GRIA4: variants seen among roughly 807,000 people sequenced by gnomAD.
The protein encoded by GRIA4 is glutamate receptor 4.
In GRIA4, 34 loss-of-function variants were observed where a neutral mutation model predicts 104.0. The observed-to-expected ratio is 0.33, with a 90% CI of 0.25 to 0.44. The LOEUF (loss-of-function observed/expected upper bound fraction) is 0.44. Ranked by LOEUF, GRIA4 falls within the 20% of genes least tolerant of loss-of-function variation. The probability of loss-of-function intolerance (pLI) is 1.00; values close to 1 mark genes in which losing one functional copy is unlikely to be tolerated. For synonymous variants in GRIA4, 386 were observed against 381.9 expected (o/e 1.01, Z -0.13); for missense variants, 750 against 1,096.5 (o/e 0.68, Z 4.46).
intron 10 of GRIA4, among the ~76,000 whole-genome samples, chr11:105,917,608 T>C (rs1194319222): frequency 6.6e-6 from 1 of 152,166 alleles, no homozygotes; most frequent in Non-Finnish European, 1.5e-5. Flanking sequence ...AAAATATGAA[T>C]ACATTATCTC....
intron 4 of GRIA4, among the ~76,000 whole-genome samples, chr11:105,788,460 A>G (rs1340084768): frequency 6.6e-6 from 1 of 152,214 alleles, no homozygotes; most frequent in African/African-American, 2.4e-5. Context: ...TCATAGCACT[A>G]TTCACAATAA....
At chr11:105,915,020 G>A (rs1331379416) in intron 10 of GRIA4, among the ~76,000 whole-genome samples, 2 of 152,130 alleles carry the variant, frequency 1.3e-5, no homozygotes, top group Admixed American at 6.6e-5. Flanking sequence ...TTGAGCATGG[G>A]GGAAATGAGG....
chr11:105,700,728 C>T (rs1953458247), intron 3 of GRIA4, among the ~76,000 whole-genome samples: 1 of 152,124 alleles, frequency 6.6e-6, no homozygotes, highest in Non-Finnish European at 1.5e-5. Flanking sequence ...AACTCCTCTT[C>T]TTTTAATTCC....
chr11:105,782,928 A>G (rs906003825), intron 4 of GRIA4, among the ~76,000 whole-genome samples: 1 of 152,186 alleles, frequency 6.6e-6, no homozygotes, highest in South Asian at 2.1e-4. Context: ...GATTGAGTGA[A>G]ATATAAAATA....
At position 105,981,853 on chromosome 11, in the gene GRIA4, T is replaced by C. The variant is rs1026064067; in HGVS notation, c.*2114T>C. On this transcript the variant is annotated 3_prime_UTR_variant, in exon 17 of 17. Coordinates refer to ENST00000282499, the MANE Select transcript of GRIA4 (RefSeq NM_000829.4). ...TTTACTTACCCTGAAAAGATTTCCA[T>C]GGCTATCCACCACCCCCCTGCCTGT... 1 of 152,770 alleles carries C rather than the reference T, an allele frequency of 6.5e-6. No individual in the cohort carries two copies. The highest frequency in any genetic ancestry group is 2.4e-5 in the African/African-American group (1 of 41,456). The allele number at this position is 152,770 out of a possible 1,614,324, so 9.5% of individuals were successfully genotyped here. A position where few individuals can be genotyped will look rare whatever the true frequency, so the allele number is the denominator to read the frequency against.
At chr11:105,810,722 A>T (rs1011832995) in intron 4 of GRIA4, among the ~76,000 whole-genome samples, 1 of 152,120 alleles carries the variant, frequency 6.6e-6, no homozygotes, top group Non-Finnish European at 1.5e-5. Flanking sequence ...TTATATATAA[A>T]TTGTAAAGCC....
At chr11:105,675,502 T>A (rs1227612331) in intron 3 of GRIA4, among the ~76,000 whole-genome samples, 2 of 151,842 alleles carry the variant, frequency 1.3e-5, no homozygotes, top group African/African-American at 4.8e-5. Context: ...ATAGAAACCT[T>A]TAAGGTAGCA....
intron 3 of GRIA4, among the ~76,000 whole-genome samples, chr11:105,741,885 T>G (rs1364039673): frequency 6.6e-6 from 1 of 152,060 alleles, no homozygotes; most frequent in Non-Finnish European, 1.5e-5. Context: ...GAGAAGCAGG[T>G]CAAAGGGTAC....
Position 105,795,562 on chromosome 11 carries a change from A to G in GRIA4, c.487+42342A>G, listed in dbSNP as rs58863929. ...TAGGCCAAGTGAGAAAAGACTTAAA[A>G]TAGTTTGCACTTCATTCTAAGGGTA... is the stretch of plus-strand genomic sequence containing the variant. On this transcript the variant is annotated intron_variant, in intron 4 of 16. Transcript: ENST00000282499. Among the ~76,000 whole-genome samples, 1,210 of 152,236 alleles carry G rather than the reference A, an allele frequency of 7.9e-3. 17 individuals are homozygous for G. The highest frequency in any genetic ancestry group is 0.027 in the African/African-American group (1,141 of 41,550).
chr11:105,727,216 C>A (rs1209382797), intron 3 of GRIA4, among the ~76,000 whole-genome samples: 1 of 151,870 alleles, frequency 6.6e-6, no homozygotes. Flanking sequence ...CTGAAAAACA[C>A]AGCACAAGAA....
chr11:105,860,846 C>A (rs1327438210), intron 4 of GRIA4, among the ~76,000 whole-genome samples: 1 of 151,088 alleles, frequency 6.6e-6, no homozygotes, highest in Non-Finnish European at 1.5e-5. Flanking sequence ...GTAGTCCCAG[C>A]TACTTGGGAG....
chr11:105,933,207 A>G (rs549299282), intron 13 of GRIA4, among the ~76,000 whole-genome samples: 6 of 152,032 alleles, frequency 3.9e-5, no homozygotes, highest in Non-Finnish European at 5.9e-5. Flanking sequence ...ATGTCACTGC[A>G]CTCCAGTCTG....
intron 3 of GRIA4, among the ~76,000 whole-genome samples, chr11:105,642,805 G>A (rs550665667): frequency 2.6e-5 from 4 of 152,182 alleles, no homozygotes; most frequent in East Asian, 3.9e-4. Context: ...AACTATTCAG[G>A]TAAATTTATT....
At chr11:105,914,943 G>GC (rs1264169110) in intron 10 of GRIA4, among the ~76,000 whole-genome samples, 1 of 152,002 alleles carries the variant, frequency 6.6e-6, no homozygotes, top group East Asian at 1.9e-4. Flanking sequence ...CCCCATAGTA[G>GC]CCCCCTACCT....
chr11:105,669,362 A>G (rs1307935824), intron 3 of GRIA4, among the ~76,000 whole-genome samples: 1 of 150,368 alleles, frequency 6.7e-6, no homozygotes, highest in Non-Finnish European at 1.5e-5. Flanking sequence ...TGTCATATAC[A>G]CACAATGTTA....
intron 3 of GRIA4, among the ~76,000 whole-genome samples, chr11:105,719,343 A>G (rs757241309): frequency 4.1e-4 from 63 of 152,190 alleles, no homozygotes; most frequent in Non-Finnish European, 7.9e-4. Context: ...GCGGCTGGCT[A>G]TGTTTTGGGA....
intron 9 of GRIA4, among the ~76,000 whole-genome samples, chr11:105,909,288 A>T (rs1194867578): frequency 6.6e-6 from 1 of 152,204 alleles, no homozygotes; most frequent in East Asian, 1.9e-4. Context: ...TGAGACTTCC[A>T]AAACATATTA....
At chr11:105,979,390 C>A (rs1196186601) in intron 16 of GRIA4, among the ~76,000 whole-genome samples, 185 bp from the exon 17 acceptor site, 1 of 152,174 alleles carries the variant, frequency 6.6e-6, no homozygotes, top group African/African-American at 2.4e-5. Flanking sequence ...TAGACAGATT[C>A]ATTCTTCGGT....
At chr11:105,611,118 C>T in intron 2 of GRIA4, 33 bp downstream of exon 2, 2 of 1,464,918 alleles carry the variant, frequency 1.4e-6, no homozygotes, top group Non-Finnish European at 1.9e-6. Flanking sequence ...GTGCATGTGG[C>T]TGGTTGTAGC....
Sources: allele counts gnomAD v4.1 joint callset (sites outside exome capture counted in the v4.1 genomes callset), GRCh38; gene constraint gnomAD v4.1.1; transcripts MANE v1.5; gene names NCBI Gene and HGNC (gene_info 2026-07-23, HGNC 2026-07-21).